Variants in FAF1 observed in about 807,000 individuals in gnomAD.
FAF1 encodes the protein FAS-associated factor 1.
Under a neutral mutation model 92.5 loss-of-function variants are expected in FAF1, and 25 were observed. The observed-to-expected ratio is 0.27, with a 90% confidence interval of 0.20 to 0.38. The LOEUF (loss-of-function observed/expected upper bound fraction) is 0.38, where lower values mean the gene tolerates loss of function less well. Ranked by LOEUF, FAF1 falls within the 10% of genes least tolerant of loss-of-function variation. The pLI is 1.00. For missense variants in FAF1, 636 were observed against 793.3 expected (o/e 0.80, Z 2.38); for synonymous variants, 234 against 273.2 (o/e 0.86, Z 1.42).
At chr1:50,868,588 T>C (rs1476689348) in intron 1 of FAF1, among the ~76,000 whole-genome samples, 2 of 152,188 alleles carry the variant, frequency 1.3e-5, no homozygotes, top group Non-Finnish European at 2.9e-5. Flanking sequence ...ATCTCACAAA[T>C]TTTTATATGT....
chr1:50,782,139 T>C (rs572844588), intron 4 of FAF1, among the ~76,000 whole-genome samples: 2 of 152,382 alleles, frequency 1.3e-5, no homozygotes, highest in African/African-American at 4.8e-5. Flanking sequence ...GTATTCACTA[T>C]ACTATACTTT....
At chr1:50,458,814 T>C (rs1268151405) in intron 18 of FAF1, among the ~76,000 whole-genome samples, 1 of 152,216 alleles carries the variant, frequency 6.6e-6, no homozygotes, top group Admixed American at 6.5e-5. Flanking sequence ...TTACAACAGC[T>C]CTATGAATTT....
chr1:50,546,453 C>T (rs1451981733), intron 13 of FAF1, among the ~76,000 whole-genome samples: 1 of 152,124 alleles, frequency 6.6e-6, no homozygotes, highest in African/African-American at 2.4e-5. Context: ...GCAACCTTTG[C>T]CACCTGGGTT....
intron 7 of FAF1, among the ~76,000 whole-genome samples, chr1:50,668,772 T>C (rs1025334517): frequency 3.3e-5 from 5 of 152,292 alleles, no homozygotes; most frequent in African/African-American, 9.6e-5. Context: ...AATGTAGATA[T>C]AGCTATTTTA....
At chr1:50,646,918 TCA>T (rs1654618881) in intron 8 of FAF1, among the ~76,000 whole-genome samples, 1 of 152,244 alleles carries the variant, frequency 6.6e-6, no homozygotes, top group African/African-American at 2.4e-5. Context: ...TGCTCTTGGC[TCA>T]CTGCAACCTC....
intron 2 of FAF1, chr1:50,846,419 C>T (rs1037977008): frequency 1.0e-5 from 4 of 386,240 alleles, no homozygotes; most frequent in Admixed American, 3.2e-5. Flanking sequence ...CGCCCCTTCG[C>T]GTCCTGGGAA....
rs574813800 is a variant in FAF1 at position 50,515,685 on chromosome 1, G to A, written c.1494+19684C>T. ...TGCTAATTTCCTGCTTAAGAGAAGC[G>A]ATGAATACTTACTGCCCACAGTTTA... On this transcript the variant is annotated intron_variant, in intron 15 of 18. Coordinates refer to ENST00000396153, the MANE Select transcript of FAF1 (RefSeq NM_007051.3). Among the ~76,000 whole-genome samples the A allele has an allele frequency of 1.1e-4, 17 of 152,202 alleles. No homozygotes were observed. The South Asian group carries it at 2.9e-3, about 26-fold the overall frequency.
At chr1:50,542,801 C>A (rs1434194008) in intron 13 of FAF1, among the ~76,000 whole-genome samples, 1 of 151,998 alleles carries the variant, frequency 6.6e-6, no homozygotes, top group Non-Finnish European at 1.5e-5. Flanking sequence ...TAACGAGTTG[C>A]CAAATCAACC....
intron 18 of FAF1, among the ~76,000 whole-genome samples, chr1:50,460,964 C>T (rs1039770778): frequency 3.9e-5 from 6 of 152,062 alleles, no homozygotes; most frequent in African/African-American, 1.4e-4. Flanking sequence ...AAGTAAAGTG[C>T]CTCTAAATAG....
intron 4 of FAF1, among the ~76,000 whole-genome samples, chr1:50,763,669 T>G (rs2124533194): frequency 1.3e-5 from 2 of 152,270 alleles, no homozygotes; most frequent in Admixed American, 1.3e-4. Flanking sequence ...TGTCTTCATA[T>G]TCACTGACCT....
chr1:50,959,945 G>A lies in FAF1; in HGVS notation c.-134C>T, dbSNP rs539969583. The A allele has an allele frequency of 7.9e-3, 3,313 of 419,234 alleles. 29 individuals carry two copies. Among genetic ancestry groups the A allele is most frequent in the South Asian group, 0.045 (422 of 9,444 alleles). The allele number at this position is 419,234 out of a possible 1,614,324, so 26.0% of individuals were successfully genotyped here. On this transcript the variant is annotated 5_prime_UTR_variant, in exon 1 of 19. Transcript: ENST00000396153. ...GGGCTGGCGGGCGAGCCGGCGGGCG[G>A]GTCGGCGGGCCAGCGGGCGGGGCAG...
At chr1:50,903,308 T>A (rs931416407) in intron 1 of FAF1, among the ~76,000 whole-genome samples, 8 of 152,204 alleles carry the variant, frequency 5.3e-5, no homozygotes, top group Admixed American at 1.3e-4. Flanking sequence ...AAAGAGTTAC[T>A]TACCTGTGTT....
At chr1:50,496,652 G>C (rs1646901797) in intron 15 of FAF1, among the ~76,000 whole-genome samples, 1 of 152,186 alleles carries the variant, frequency 6.6e-6, no homozygotes, top group South Asian at 2.1e-4. Flanking sequence ...TAGCACCTGG[G>C]AGGCCAAGGC....
intron 2 of FAF1, among the ~76,000 whole-genome samples, chr1:50,803,988 T>C (rs751694603): frequency 5.3e-5 from 8 of 152,106 alleles, no homozygotes; most frequent in Non-Finnish European, 1.0e-4. Flanking sequence ...TGATCTATGC[T>C]TCAAACAATG....
At chr1:50,544,894 G>A (rs1310514465) in intron 13 of FAF1, among the ~76,000 whole-genome samples, 1 of 152,138 alleles carries the variant, frequency 6.6e-6, no homozygotes, top group Non-Finnish European at 1.5e-5. Context: ...GGAAATAAAA[G>A]ACATTGAAGT....
chr1:50,687,515 T>G (rs1656721816), intron 7 of FAF1, among the ~76,000 whole-genome samples: 2 of 152,016 alleles, frequency 1.3e-5, no homozygotes, highest in African/African-American at 2.4e-5. Context: ...TTTGGGAGAC[T>G]GAGGCAGGTA....
chr1:50,678,728 C>T (rs1015170944), intron 7 of FAF1, among the ~76,000 whole-genome samples: 2 of 129,718 alleles, frequency 1.5e-5, no homozygotes, highest in African/African-American at 3.0e-5. Flanking sequence ...TGCAGTGAAC[C>T]GAGACTGTGC....
Position 50,742,474 on chromosome 1 carries a change from C to T in FAF1, c.459+2210G>A, listed in dbSNP as rs550279614. Among the ~76,000 whole-genome samples the T allele has an allele frequency of 7.9e-5, 12 of 152,224 alleles. No homozygotes were observed. In the South Asian group the frequency reaches 2.5e-3, roughly 32 times the overall value. The stretch of plus-strand genomic sequence containing the variant: ...TCTCAGCTCACTGCAACCTCCACCT[C>T]CCAGGTTCAAGCGATTCTTGTGCCT... On this transcript the variant is annotated intron_variant, in intron 5 of 18. Coordinates refer to ENST00000396153, the MANE Select transcript of FAF1 (RefSeq NM_007051.3).
intron 15 of FAF1, among the ~76,000 whole-genome samples, chr1:50,518,608 T>G (rs1240894135): frequency 3.9e-5 from 6 of 151,938 alleles, no homozygotes; most frequent in Non-Finnish European, 8.8e-5. Flanking sequence ...GTCTGGCTAA[T>G]TTTTTGTATT....
Sources: gnomAD v4.1 joint callset for allele counts (sites outside exome capture counted in the v4.1 genomes callset) on GRCh38, gnomAD v4.1.1 for gene constraint, MANE v1.5 for transcripts, NCBI Gene and HGNC (gene_info 2026-07-23, HGNC 2026-07-21) for gene names.